Variants in FBXO10 observed in about 807,000 individuals in gnomAD.
The protein encoded by FBXO10 is F-box only protein 10.
In FBXO10, 39 loss-of-function variants were observed where a neutral mutation model predicts 80.7. The observed-to-expected ratio is 0.48, with a 90% CI of 0.37 to 0.63. FBXO10 has a LOEUF of 0.63. FBXO10 is among the 30% of genes least tolerant of loss of function. The pLI, the probability that FBXO10 is intolerant of heterozygous loss-of-function variation, is 0.00. For synonymous variants in FBXO10, 449 were observed against 489.6 expected (o/e 0.92, Z 1.09); for missense variants, 1,025 against 1,269.0 (o/e 0.81, Z 2.92).
At chr9:37,513,463 A>G (rs1821112025) in intron 10 of FBXO10, among the ~76,000 whole-genome samples, 1 of 152,338 alleles carries the variant, frequency 6.6e-6, no homozygotes, top group African/African-American at 2.4e-5. Flanking sequence ...GAAAGGAATG[A>G]ACGCCTTACA....
At chr9:37,538,247 A>G (rs1253444741) in intron 2 of FBXO10, among the ~76,000 whole-genome samples, 1 of 152,134 alleles carries the variant, frequency 6.6e-6, no homozygotes. Flanking sequence ...TCAAGTCTCA[A>G]TCACGTGCCA....
At position 37,518,348 on chromosome 9, in the gene FBXO10, T is replaced by C; in HGVS notation, c.2291A>G (p.Gln764Arg). ...ANGDRGITVA[Q>R]SSQPTRVANN... The stretch of plus-strand genomic sequence containing the variant: ...GGCCACTCGGGTGGGTTGGCTGCTC[T>C]GGGCCACAGTAATGCCTCTGTCCCC... The change falls in exon 9 of 11, where the codon CAG becomes CGG. Residue 764 changes from glutamine to arginine, a missense_variant. Physicochemically the swap from Gln to Arg is conservative, Grantham distance 43 (BLOSUM62 1). Around this residue, in one of 3 missense-constraint regions of FBXO10, gnomAD observed 478 missense variants for 667.8 expected, o/e 0.72. Coordinates refer to ENST00000432825, the MANE Select transcript of FBXO10 (RefSeq NM_012166.3). 1 of 1,614,026 alleles carries C rather than the reference T, an allele frequency of 6.2e-7. No individual in the cohort carries two copies. Among genetic ancestry groups the C allele is most frequent in the Non-Finnish European group, 8.5e-7 (1 of 1,179,886 alleles).
intron 8 of FBXO10, among the ~76,000 whole-genome samples, chr9:37,519,057 C>A (rs1375512514): frequency 6.6e-6 from 1 of 152,078 alleles, no homozygotes; most frequent in Non-Finnish European, 1.5e-5. Flanking sequence ...CTACAGGCAC[C>A]CGCCACCACG....
intron 9 of FBXO10, 21 bp from the exon 10 acceptor site, chr9:37,516,106 T>C (rs1421077171): frequency 3.7e-6 from 6 of 1,605,058 alleles, no homozygotes; most frequent in South Asian, 2.2e-5. Context: ...CAGCCAGAGA[T>C]TGTCACACCT....
chr9:37,559,822 G>A (rs1822432658), intron 1 of FBXO10, among the ~76,000 whole-genome samples: 1 of 152,200 alleles, frequency 6.6e-6, no homozygotes, highest in Non-Finnish European at 1.5e-5. Context: ...AATGATTAGA[G>A]TAAGCAGAGA....
At chr9:37,547,247 C>T (rs1822079524) in intron 1 of FBXO10, among the ~76,000 whole-genome samples, 1 of 152,114 alleles carries the variant, frequency 6.6e-6, no homozygotes, top group African/African-American at 2.4e-5. Flanking sequence ...TTCAGCAATA[C>T]AAAGGGATAA....
chr9:37,530,229 G>C lies in FBXO10; in HGVS notation c.1570-969C>G, dbSNP rs746040735. Among the ~76,000 whole-genome samples the C allele has an allele frequency of 2.0e-5, 3 of 152,040 alleles. No individual in the cohort carries two copies. The East Asian group carries it at 5.8e-4, about 29-fold the overall frequency. On this transcript the variant is annotated intron_variant, in intron 4 of 10. Transcript: ENST00000432825. ...GCTGTATCTCTTCCAAAATGATTTCGCAGAAATAAAGTTCTAGTTGGCTTT... is the reference window on the plus strand; with the variant it reads ...GCTGTATCTCTTCCAAAATGATTTCCCAGAAATAAAGTTCTAGTTGGCTTT...
intron 1 of FBXO10, among the ~76,000 whole-genome samples, chr9:37,574,462 G>T (rs1822844326): frequency 6.6e-6 from 1 of 152,192 alleles, no homozygotes; most frequent in African/African-American, 2.4e-5. Flanking sequence ...CTATGGTGAA[G>T]GCGGCTCTTC....
intron 1 of FBXO10, among the ~76,000 whole-genome samples, chr9:37,564,299 G>A (rs1470611567): frequency 6.6e-6 from 1 of 152,276 alleles, no homozygotes; most frequent in Non-Finnish European, 1.5e-5. Context: ...GTTTGCTGCA[G>A]GGGTGGAGCC....
chr9:37,537,097 G>C lies in FBXO10; in HGVS notation c.1419+13C>G. The C allele has an allele frequency of 6.3e-7, 1 of 1,582,678 alleles. No homozygotes were observed. Among genetic ancestry groups the C allele is most frequent in the Non-Finnish European group, 8.6e-7 (1 of 1,158,784 alleles). ...ACAGGAGCCCCCTGACCAATCTAAA[G>C]TCATGACAGCACCTTGCTATTATGT... On this transcript the variant is annotated intron_variant, in intron 3 of 10. Coordinates refer to ENST00000432825, the MANE Select transcript of FBXO10 (RefSeq NM_012166.3).
At chr9:37,517,841 C>T (rs1821224888) in intron 9 of FBXO10, among the ~76,000 whole-genome samples, 2 of 152,188 alleles carry the variant, frequency 1.3e-5, no homozygotes, top group Admixed American at 6.5e-5. Context: ...GACCCGGAGA[C>T]CATGAAGATA....
At chr9:37,568,182 T>A (rs1822657612) in intron 1 of FBXO10, among the ~76,000 whole-genome samples, 1 of 152,118 alleles carries the variant, frequency 6.6e-6, no homozygotes. Context: ...ATCCTGACAG[T>A]TTTCTCAAGT....
Position 37,537,896 on chromosome 9 carries a change from C to T in FBXO10, c.633G>A (p.Gly211=), listed in dbSNP as rs1821815691. 5.0e-6 allele frequency: 8 copies of T among 1,613,962 alleles called. No homozygotes were observed. The highest frequency in any genetic ancestry group is 6.8e-6 in the Non-Finnish European group (8 of 1,179,884). Residue 211 remains glycine (G), a synonymous_variant, in exon 3 of 11, where the codon GGG becomes GGA. Coordinates refer to ENST00000432825, the MANE Select transcript of FBXO10 (RefSeq NM_012166.3). Reference sequence around the variant, plus strand: ...TACCCGGGCCATGGACCTGGATGTGCCCGTTCTCAAAGTTGCAGTTGTCAA... The same window carrying T: ...TACCCGGGCCATGGACCTGGATGTGTCCGTTCTCAAAGTTGCAGTTGTCAA... ...VQFDNCNFEN[G]HIQVHGPGTC... is the part of the protein sequence containing the mutation.
rs1821355363 is a variant in FBXO10, at chr9:37,521,831, C to T, written c.1938G>A (p.Lys646=). ...ACGACATCATCCACACACCACAGCC[C>T]TTGTTAGCTGGGACAGTGAGAGGAG... ...LIEGNTIYAN[K]GCGVWMMSSS... Residue 646 remains lysine (K), a synonymous_variant, in exon 8 of 11, where the codon AAG becomes AAA. Coordinates refer to ENST00000432825, the MANE Select transcript of FBXO10 (RefSeq NM_012166.3). 1 of 1,578,652 alleles carries T rather than the reference C, an allele frequency of 6.3e-7. No individual in the cohort carries two copies. Among genetic ancestry groups the T allele is most frequent in the East Asian group, 2.3e-5 (1 of 44,348 alleles).
At chr9:37,557,538 G>A (rs1027584974) in intron 1 of FBXO10, among the ~76,000 whole-genome samples, 5 of 152,210 alleles carry the variant, frequency 3.3e-5, no homozygotes, top group African/African-American at 9.6e-5. Flanking sequence ...CACTTGAGAA[G>A]TAATTTTAAA....
intron 1 of FBXO10, among the ~76,000 whole-genome samples, chr9:37,545,868 C>G (rs565081699): frequency 6.6e-6 from 1 of 152,210 alleles, no homozygotes; most frequent in South Asian, 2.1e-4. Flanking sequence ...GATTTTTGGC[C>G]GGGTGCGGTG....
At chr9:37,528,288 G>A (rs1445369054) in intron 5 of FBXO10, among the ~76,000 whole-genome samples, 4 of 152,164 alleles carry the variant, frequency 2.6e-5, no homozygotes, top group Non-Finnish European at 4.4e-5. Flanking sequence ...CTGCCGCAAG[G>A]ACGTCAAGGG....
Position 37,521,597 on chromosome 9 carries a change from A to G in FBXO10, c.2172T>C (p.Val724=). Residue 724 remains valine, a synonymous_variant, in exon 8 of 11, where the codon GTT becomes GTC. Coordinates refer to ENST00000432825, the MANE Select transcript of FBXO10 (RefSeq NM_012166.3). ...CATTGTGATTAATACTGTTAGACTC[A>G]ACAAGAGCTATGGTGATGGGCCGGC... ...PLRRPITIAL[V]ESNSINHNGA... 4 of 1,613,430 alleles carry G rather than the reference A, an allele frequency of 2.5e-6. No homozygotes were observed. Among genetic ancestry groups the G allele is most frequent in the Non-Finnish European group, 3.4e-6 (4 of 1,179,606 alleles).
At chr9:37,542,237 T>C (rs2119129600) in intron 1 of FBXO10, among the ~76,000 whole-genome samples, 1 of 152,308 alleles carries the variant, frequency 6.6e-6, no homozygotes, top group African/African-American at 2.4e-5. Context: ...TGAATCCTAC[T>C]CTAGATTTTT....
Sources: gnomAD v4.1 joint callset for allele counts (sites outside exome capture counted in the v4.1 genomes callset) on GRCh38, gnomAD v4.1.1 for gene constraint, gnomAD v4.1.1 regional missense constraint, MANE v1.5 for transcripts, NCBI Gene and HGNC (gene_info 2026-07-23, HGNC 2026-07-21) for gene names.